The following STRN4 variants were observed in gnomAD, a reference collection of about 807,000 sequenced individuals.
The protein encoded by STRN4 is striatin 4.
STRN4 carries 27 observed loss-of-function variants against 77.9 expected under a neutral mutation model. The ratio of observed to expected loss-of-function variants is 0.35; its 90% CI spans 0.26 to 0.48. STRN4 has a LOEUF of 0.48. STRN4 is among the 20% of genes least tolerant of loss of function. STRN4 has a pLI of 0.99. For synonymous variants in STRN4, 466 were observed against 443.1 expected, an observed-to-expected ratio of 1.05 and a Z score of -0.65; for missense variants, 798 against 1,049.7, an observed-to-expected ratio of 0.76 and a Z score of 3.31.
Position 46,733,474 on chromosome 19 carries a change from C to T in STRN4, c.540-238G>A. ...TCCCTGCACTGCTGTATGGGGAAGCCGAAGCACAGGGACCAGCCTCAGCAC... is the reference window on the plus strand; with the variant it reads ...TCCCTGCACTGCTGTATGGGGAAGCTGAAGCACAGGGACCAGCCTCAGCAC... On this transcript the variant is annotated intron_variant, in intron 4 of 17. Transcript: ENST00000263280. The surrounding 1 kb of genome is among the most constrained non-coding windows in gnomAD (Gnocchi z 4.3). The T allele has an allele frequency of 5.8e-6, 3 of 514,278 alleles. No homozygotes were observed. The highest frequency in any genetic ancestry group is 4.6e-5 in the South Asian group (2 of 43,796). The allele number at this position is 514,278 out of a possible 1,614,324, so 31.9% of individuals were successfully genotyped here. A position where few individuals can be genotyped will look rare whatever the true frequency, so the allele number is the denominator to read the frequency against.
rs186319594 is a variant in STRN4, at chr19:46,742,551, A to G, written c.282+3598T>C. On this transcript the variant is annotated intron_variant, in intron 1 of 17. Coordinates refer to ENST00000263280, the MANE Select transcript of STRN4 (RefSeq NM_013403.3). The stretch of plus-strand genomic sequence containing the variant: ...GTGGGTCAATGTGGCAGAGTCATTC[A>G]CTGTTTCTTTTTTTATTTTTATTTT... Among the ~76,000 whole-genome samples, 207 of 152,020 alleles carry G rather than the reference A, an allele frequency of 1.4e-3. 2 individuals carry two copies. The highest frequency in any genetic ancestry group is 4.6e-3 in the African/African-American group (189 of 41,486).
chr19:46,726,896 G>A (rs1429985172), intron 9 of STRN4, among the ~76,000 whole-genome samples: 1 of 152,126 alleles, frequency 6.6e-6, no homozygotes, highest in African/African-American at 2.4e-5. Flanking sequence ...GCGTGCAGAG[G>A]GACCCCATGG....
intron 16 of STRN4, chr19:46,721,743 G>A: frequency 2.0e-6 from 1 of 497,628 alleles, no homozygotes; most frequent in South Asian, 2.3e-5. Flanking sequence ...TCTGTAAACT[G>A]GGGATCAAAG....
Position 46,720,089 on chromosome 19 carries a change from A to C in STRN4, c.*316T>G, listed in dbSNP as rs1166185119. 1.3e-5 allele frequency: 2 copies of C among 152,528 alleles called. No homozygotes were observed. Among genetic ancestry groups the C allele is most frequent in the African/African-American group, 4.8e-5 (2 of 41,430 alleles). 9.4% of individuals were successfully genotyped at this position (152,528 alleles called of 1,614,324 possible). Reference sequence around the variant, plus strand: ...GTCTTGGAAAAACTGATCCCTAAAGACACCCGGCCCTGGCTGTGCTGCCCT... The same window carrying C: ...GTCTTGGAAAAACTGATCCCTAAAGCCACCCGGCCCTGGCTGTGCTGCCCT... On this transcript the variant is annotated 3_prime_UTR_variant, in exon 18 of 18. Coordinates refer to ENST00000263280, the MANE Select transcript of STRN4 (RefSeq NM_013403.3).
intron 1 of STRN4, among the ~76,000 whole-genome samples, chr19:46,742,674 T>C (rs550408699): frequency 6.6e-6 from 1 of 152,290 alleles, no homozygotes; most frequent in Non-Finnish European, 1.5e-5. Context: ...GCGATTCTCC[T>C]GCCTCAGCCT....
At position 46,746,189 on chromosome 19, in the gene STRN4, G is replaced by A; in HGVS notation, c.242C>T (p.Ala81Val). The A allele has an allele frequency of 6.5e-7, 1 of 1,539,390 alleles. No individual in the cohort carries two copies. The highest frequency in any genetic ancestry group is 8.7e-7 in the Non-Finnish European group (1 of 1,151,192). The change falls in exon 1 of 18, where the codon GCC becomes GTC. Residue 81 changes from alanine (A) to valine (V), a missense_variant. Ala to Val is a moderately conservative substitution (Grantham distance 64, BLOSUM62 0). Coordinates refer to ENST00000263280, the MANE Select transcript of STRN4 (RefSeq NM_013403.3). ...CTCGGCCTCCCAGCGGGCTTTCTCG[G>A]CTTCGAAGCGCGCCCACTCGTGCTG... The part of the protein sequence containing the change: ...FIQHEWARFE[A>V]EKARWEAERA...
chr19:46,728,914 C>T, intron 6 of STRN4, 137 bp from the exon 7 acceptor site: 1 of 1,284,798 alleles, frequency 7.8e-7, no homozygotes, highest in South Asian at 1.5e-5. Flanking sequence ...CAGCCAGCTG[C>T]CCTGGAGCGC....
rs781660494 is a variant in STRN4, at chr19:46,730,845, G to A, written c.766C>T (p.Arg256Cys). Residue 256 changes from arginine to cysteine, a missense_variant, in exon 6 of 18, where the codon CGC becomes TGC. By Grantham distance (180) the Arg-to-Cys change is radical. Around this residue, in one of 2 missense-constraint regions of STRN4, gnomAD observed 511 missense variants for 575.9 expected, o/e 0.89. Coordinates refer to ENST00000263280, the MANE Select transcript of STRN4 (RefSeq NM_013403.3). ...TGCCCCAGCACTGAGCCGCCCAAGC[G>A]CTCTTTGCCATCTTTGCCTGCCGCG... ...RNAAGKDGKERLGGSVLGQIP... is the reference protein window; with the variant it reads ...RNAAGKDGKECLGGSVLGQIP... The A allele has an allele frequency of 4.3e-6, 7 of 1,611,996 alleles. No individual in the cohort carries two copies. Among genetic ancestry groups the A allele is most frequent in the East Asian group, 2.2e-5 (1 of 44,890 alleles).
In STRN4 at chr19:46,737,789, G is replaced by A. The variant is rs534864094; in HGVS notation, c.460+375C>T. 3.3e-5 allele frequency among the ~76,000 whole-genome samples: 5 copies of A among 152,150 alleles called. No homozygotes were observed. The East Asian group carries it at 5.8e-4, about 18-fold the overall frequency. ...TACCCTACAAATAAAGTCTTTTTTG[G>A]ATGAACGATTGAACGGCAACCCTGT... is the stretch of plus-strand genomic sequence containing the variant. On this transcript the variant is annotated intron_variant, in intron 3 of 17. Coordinates refer to ENST00000263280, the MANE Select transcript of STRN4 (RefSeq NM_013403.3).
At chr19:46,734,223 G>A (rs1264306211) in intron 4 of STRN4, among the ~76,000 whole-genome samples, 2 of 152,156 alleles carry the variant, frequency 1.3e-5, no homozygotes, top group Non-Finnish European at 2.9e-5. Context: ...TCACCTCACC[G>A]CATGCCAGTT....
At chr19:46,724,240 T>A (rs2054049135) in intron 12 of STRN4, among the ~76,000 whole-genome samples, 1 of 93,702 alleles carries the variant, frequency 1.1e-5, no homozygotes, top group South Asian at 3.0e-4. Flanking sequence ...AGAGTGAGAC[T>A]CTTTGTCTCA....
chr19:46,727,306 CA>C (rs2054140210), intron 9 of STRN4, 145 bp downstream of exon 9: 4 of 681,390 alleles, frequency 5.9e-6, no homozygotes, highest in Non-Finnish European at 1.0e-5. Flanking sequence ...TTGGCGACCG[CA>C]GTCAAGTCCC....
rs2054236807 is a variant in STRN4, at chr19:46,730,937, G to A, written c.738-64C>T. ...GCAGGTGTCAAAGCTCAGATAGGAA[G>A]GTGCCCTCCCAGGCTTGGTGGCCAG... On this transcript the variant is annotated intron_variant, in intron 5 of 17. Transcript: ENST00000263280. 2.5e-6 allele frequency: 4 copies of A among 1,589,710 alleles called. No homozygotes were observed. In the Admixed American group the frequency reaches 6.7e-5, roughly 27 times the overall value.
chr19:46,727,548 TGAG>T lies in STRN4; in HGVS notation c.1154-5_1154-3del, dbSNP rs779274991. On this transcript the variant is annotated splice_region_variant and splice_polypyrimidine_tract_variant and intron_variant, in intron 8 of 17. Transcript: ENST00000263280. ...CGATAGTGTCCATGATGAAGACGTC[TGAG>T]GAGAAGCCAAAGGAACCTGGTAGGG... is the stretch of plus-strand genomic sequence containing the variant. 2 of 1,613,328 alleles carry T rather than the reference TGAG, an allele frequency of 1.2e-6. No homozygotes were observed.
At position 46,724,796 on chromosome 19, in the gene STRN4, G is replaced by T; in HGVS notation, c.1594+11C>A. 6.2e-7 allele frequency: 1 copy of T among 1,613,880 alleles called. No homozygotes were observed. ...TGGATGTGAGGGGAAGGCGGGAGGC[G>T]TTGTCCTCACCGTAGCCATCATAGG... is the stretch of plus-strand genomic sequence containing the variant. On this transcript the variant is annotated intron_variant, in intron 12 of 17. Coordinates refer to ENST00000263280, the MANE Select transcript of STRN4 (RefSeq NM_013403.3).
At chr19:46,728,080 C>A in intron 7 of STRN4, 73 bp from the exon 8 acceptor site, 1 of 1,357,780 alleles carries the variant, frequency 7.4e-7, no homozygotes, top group Non-Finnish European at 1.0e-6. Flanking sequence ...ACGCCTTCCC[C>A]ACACTGAGGG....
chr19:46,723,009 G>C lies in STRN4; in HGVS notation c.1766-59C>G. On this transcript the variant is annotated intron_variant, in intron 13 of 17. Coordinates refer to ENST00000263280, the MANE Select transcript of STRN4 (RefSeq NM_013403.3). The surrounding 1 kb of genome is among the most constrained non-coding windows in gnomAD (Gnocchi z 5.5). ...GACCCTCAGACCCAGCCCTGCCCCA[G>C]GGTGGGGGACAGTGGGTGGGAGGCC... The C allele has an allele frequency of 6.2e-7, 1 of 1,605,610 alleles. No individual in the cohort carries two copies. The highest frequency in any genetic ancestry group is 1.1e-5 in the South Asian group (1 of 90,792).
At chr19:46,729,896 G>A (rs1201235883) in intron 6 of STRN4, among the ~76,000 whole-genome samples, 1 of 152,188 alleles carries the variant, frequency 6.6e-6, no homozygotes, top group Non-Finnish European at 1.5e-5. Context: ...CAGAACTCAC[G>A]CAGCTGGGCC....
At position 46,741,433 on chromosome 19, in the gene STRN4, A is replaced by G. The variant is rs1319294535; in HGVS notation, c.283-2545T>C. 6.6e-6 allele frequency among the ~76,000 whole-genome samples: 1 copy of G among 152,142 alleles called. No individual in the cohort carries two copies. The highest frequency in any genetic ancestry group is 1.5e-5 in the Non-Finnish European group (1 of 68,014). ...GCTGTCCCTTTCCCAGTGCCTCTGG[A>G]AAGAGAACCAGAAAGACATGGTTGG... On this transcript the variant is annotated intron_variant, in intron 1 of 17. Transcript: ENST00000263280. This position sits in a 1 kb window ranked among gnomAD's most constrained non-coding sequence, Gnocchi z 4.9.
Sources: gnomAD v4.1 joint callset for allele counts (sites outside exome capture counted in the v4.1 genomes callset) on GRCh38, gnomAD v4.1.1 for gene constraint, gnomAD v4.1.1 regional missense constraint, Gnocchi (gnomAD v3.1) non-coding constraint, MANE v1.5 for transcripts, NCBI Gene and HGNC (gene_info 2026-07-23, HGNC 2026-07-21) for gene names.